RANBP2: variants seen among roughly 807,000 people sequenced by gnomAD.
The protein encoded by RANBP2 is RAN binding protein 2.
In RANBP2, 57 loss-of-function variants were observed where a neutral mutation model predicts 303.6. That is an observed-to-expected ratio of 0.19 (90% CI 0.15 to 0.23). The LOEUF (loss-of-function observed/expected upper bound fraction) is 0.23. Ranked by LOEUF, RANBP2 falls within the 10% of genes least tolerant of loss-of-function variation. RANBP2 has a pLI of 1.00. For missense variants in RANBP2, 3,138 were observed against 3,780.8 expected (o/e 0.83, Z 4.46); for synonymous variants, 1,167 against 1,301.5 (o/e 0.90, Z 2.23).
At position 108,719,615 on chromosome 2, in the gene RANBP2, C is replaced by T. The variant is rs373063282; in HGVS notation, c.9C>T (p.Arg3=). 1 of 1,605,702 alleles carries T rather than the reference C, an allele frequency of 6.2e-7. No homozygotes were observed. Among genetic ancestry groups the T allele is most frequent in the Non-Finnish European group, 8.5e-7 (1 of 1,177,400 alleles). Reference sequence around the variant, plus strand: ...GCCAGGTTGGCGGCGCGATGAGGCGCAGCAAGGCTGACGTGGAGCGGTACA... The same window carrying T: ...GCCAGGTTGGCGGCGCGATGAGGCGTAGCAAGGCTGACGTGGAGCGGTACA... MR[R]SKADVERYIA... is the part of the protein sequence containing the mutation. Residue 3 remains arginine (R), a synonymous_variant, in exon 1 of 29, where the codon CGC becomes CGT. Coordinates refer to ENST00000283195, the MANE Select transcript of RANBP2 (RefSeq NM_006267.5).
chr2:108,833,884 C>T, the RANBP2 span, among the ~76,000 whole-genome samples: 5 of 142,880 alleles, frequency 3.5e-5, no homozygotes, highest in East Asian at 2.1e-4. Context: ...CCCGCTACCA[C>T]GCCCGGCTAA....
At chr2:109,254,910 C>T in the RANBP2 span, among the ~76,000 whole-genome samples, 10 of 152,282 alleles carry the variant, frequency 6.6e-5, no homozygotes, top group Non-Finnish European at 8.8e-5. Flanking sequence ...TCCATGTGAC[C>T]CACTCTGGTC....
Position 108,751,255 on chromosome 2 carries a change from T to G in RANBP2, c.1274-9T>G, listed in dbSNP as rs1675858719. On this transcript the variant is annotated splice_polypyrimidine_tract_variant and intron_variant, in intron 9 of 28. Coordinates refer to ENST00000283195, the MANE Select transcript of RANBP2 (RefSeq NM_006267.5). ...AAACCCTTAAGCCAATTTTTTAATT[T>G]TATTTCAGGTGCTATTCGAGCACAT... is the stretch of plus-strand genomic sequence containing the variant. The G allele has an allele frequency of 1.9e-6, 3 of 1,611,988 alleles. No individual in the cohort carries two copies. The highest frequency in any genetic ancestry group is 2.5e-6 in the Non-Finnish European group (3 of 1,179,856).
chr2:109,630,315 C>T, the RANBP2 span, among the ~76,000 whole-genome samples: 5 of 152,268 alleles, frequency 3.3e-5, no homozygotes, highest in Non-Finnish European at 7.4e-5. Context: ...AACAAACCAA[C>T]CCAGAGCCAG....
the RANBP2 span, among the ~76,000 whole-genome samples, chr2:108,820,048 T>C: frequency 4.6e-5 from 7 of 152,134 alleles, no homozygotes; most frequent in Non-Finnish European, 1.0e-4. Flanking sequence ...ATATCTGAAC[T>C]ATAAAAGTCA....
chr2:109,288,655 T>G, the RANBP2 span, among the ~76,000 whole-genome samples: 1 of 152,240 alleles, frequency 6.6e-6, no homozygotes, highest in Non-Finnish European at 1.5e-5. Flanking sequence ...GACTGACTTC[T>G]TTTCACTCAA....
the RANBP2 span, among the ~76,000 whole-genome samples, chr2:109,001,485 A>G: frequency 4.6e-5 from 7 of 152,310 alleles, no homozygotes; most frequent in South Asian, 1.0e-3. Context: ...GGGATGGGCA[A>G]GAGAGAGGAG....
the RANBP2 span, among the ~76,000 whole-genome samples, chr2:109,580,834 C>G: frequency 1.3e-5 from 2 of 152,222 alleles, no homozygotes; most frequent in African/African-American, 4.8e-5. Context: ...AGCTTCCTGA[C>G]TGGGGACAAG....
chr2:109,516,289 C>A, the RANBP2 span, among the ~76,000 whole-genome samples: 2 of 152,200 alleles, frequency 1.3e-5, no homozygotes, highest in African/African-American at 4.8e-5. Context: ...GGGGGCAGCC[C>A]TCTCCCCTGG....
chr2:109,665,089 A>G, the RANBP2 span: 2 of 152,226 alleles, frequency 1.3e-5, no homozygotes, highest in East Asian at 1.9e-4. Flanking sequence ...CCTTTATGGA[A>G]GTACAGCATA....
the RANBP2 span, among the ~76,000 whole-genome samples, chr2:109,114,905 A>C: frequency 6.6e-6 from 1 of 152,222 alleles, no homozygotes; most frequent in Non-Finnish European, 1.5e-5. Context: ...GTAGTCATTC[A>C]GGAGCAAGTT....
At chr2:109,626,121 G>A in the RANBP2 span, among the ~76,000 whole-genome samples, 2 of 152,166 alleles carry the variant, frequency 1.3e-5, no homozygotes, top group African/African-American at 4.8e-5. Context: ...TAACCTTCCT[G>A]TTCGTCCCTA....
chr2:109,679,408 G>A, the RANBP2 span, among the ~76,000 whole-genome samples: 29 of 152,246 alleles, frequency 1.9e-4, no homozygotes, highest in Non-Finnish European at 3.8e-4. Flanking sequence ...CATGACTAAT[G>A]TGGATCACTA....
chr2:109,598,536 G>A, the RANBP2 span, among the ~76,000 whole-genome samples: 1 of 152,092 alleles, frequency 6.6e-6, no homozygotes, highest in Non-Finnish European at 1.5e-5. Context: ...AAAGCAAAAA[G>A]TGGCCTAAAT....
the RANBP2 span, among the ~76,000 whole-genome samples, chr2:109,476,539 G>A: frequency 2.2e-4 from 33 of 152,344 alleles, no homozygotes; most frequent in Admixed American, 5.9e-4. Flanking sequence ...GCATGTCAAA[G>A]GCTAAAAGAT....
At chr2:109,035,708 G>C in the RANBP2 span, among the ~76,000 whole-genome samples, 1 of 152,222 alleles carries the variant, frequency 6.6e-6, no homozygotes, top group Non-Finnish European at 1.5e-5. Flanking sequence ...TGTAGCCTCT[G>C]CTCTGCAGAA....
At chr2:109,289,944 G>C in the RANBP2 span, among the ~76,000 whole-genome samples, 1 of 152,132 alleles carries the variant, frequency 6.6e-6, no homozygotes, top group African/African-American at 2.4e-5. Flanking sequence ...AAGCCTATGG[G>C]GCTCTTGGAG....
chr2:108,722,905 A>G (rs867897535), intron 1 of RANBP2, among the ~76,000 whole-genome samples: 1 of 152,118 alleles, frequency 6.6e-6, no homozygotes, highest in South Asian at 2.1e-4. Flanking sequence ...AAAGAAAAAA[A>G]GAAAAAAAAA....
At chr2:109,059,841 GA>G in the RANBP2 span, among the ~76,000 whole-genome samples, 1 of 150,702 alleles carries the variant, frequency 6.6e-6, no homozygotes, top group African/African-American at 2.4e-5. Context: ...GGGTGGGGGG[GA>G]TGTGGCAGAC....
Sources: gnomAD v4.1 joint callset for allele counts (sites outside exome capture counted in the v4.1 genomes callset) on GRCh38, gnomAD v4.1.1 for gene constraint, MANE v1.5 for transcripts, NCBI Gene and HGNC (gene_info 2026-07-23, HGNC 2026-07-21) for gene names.